Variants in HHAT observed in about 807,000 individuals in gnomAD.
HHAT encodes protein-cysteine N-palmitoyltransferase HHAT.
In HHAT, 47 loss-of-function variants were observed where a neutral mutation model predicts 70.8. That is an observed-to-expected ratio of 0.66 (90% CI 0.53 to 0.85). The LOEUF is 0.85. Among genes scored for constraint, HHAT ranks in the 40% least tolerant of loss-of-function variants. The pLI, the probability that HHAT is intolerant of heterozygous loss-of-function variation, is 0.00. For missense variants in HHAT, 609 were observed against 604.8 expected, an observed-to-expected ratio of 1.01 and a Z score of -0.07; for synonymous variants, 228 against 247.6, an observed-to-expected ratio of 0.92 and a Z score of 0.74.
At chr1:210,495,207 A>G (rs1279992791) in intron 8 of HHAT, among the ~76,000 whole-genome samples, 1 of 151,450 alleles carries the variant, frequency 6.6e-6, no homozygotes, top group Non-Finnish European at 1.5e-5. Context: ...AACTTTATAT[A>G]TAGTATAGAA....
intron 10 of HHAT, among the ~76,000 whole-genome samples, chr1:210,614,820 A>T (rs1173128746): frequency 6.6e-6 from 1 of 152,228 alleles, no homozygotes; most frequent in Admixed American, 6.5e-5. Flanking sequence ...ATTGTTGGAC[A>T]TTTGGGTTGG....
rs910816656 is a variant in HHAT, at chr1:210,414,190, A to G, written c.685-3964A>G. On this transcript the variant is annotated intron_variant, in intron 6 of 11. Transcript: ENST00000261458. ...CACCTTCTCACTGTCTTCACACGGT[A>G]GAAGGAACTAGCTAACTCTCTGAGG... 4.6e-5 allele frequency among the ~76,000 whole-genome samples: 7 copies of G among 152,328 alleles called. No homozygotes were observed. In the East Asian group the frequency reaches 1.4e-3, roughly 29 times the overall value.
chr1:210,447,554 C>T (rs562647361), intron 7 of HHAT, among the ~76,000 whole-genome samples: 1 of 152,324 alleles, frequency 6.6e-6, no homozygotes, highest in African/African-American at 2.4e-5. Context: ...ATCCAAAAGG[C>T]AAATCCTGAC....
At chr1:210,627,840 T>C (rs1670118441) in intron 11 of HHAT, among the ~76,000 whole-genome samples, 1 of 152,192 alleles carries the variant, frequency 6.6e-6, no homozygotes, top group Non-Finnish European at 1.5e-5. Flanking sequence ...ACTTAGCTGG[T>C]CCATGGATCT....
chr1:210,404,436 A>T (rs760367766), intron 5 of HHAT, 28 bp from the exon 6 acceptor site: 1 of 1,564,894 alleles, frequency 6.4e-7, no homozygotes, highest in Non-Finnish European at 8.8e-7. Flanking sequence ...GGCCACTCAA[A>T]GGTTGTTCTC....
intron 9 of HHAT, among the ~76,000 whole-genome samples, chr1:210,560,977 G>A (rs1432822238): frequency 6.6e-6 from 1 of 152,038 alleles, no homozygotes; most frequent in Non-Finnish European, 1.5e-5. Flanking sequence ...AATGATCACT[G>A]AGGCCAGTAT....
intron 9 of HHAT, among the ~76,000 whole-genome samples, chr1:210,529,178 G>A (rs754878264): frequency 4.6e-5 from 7 of 152,038 alleles, no homozygotes; most frequent in Non-Finnish European, 8.8e-5. Flanking sequence ...GGTGGCACAC[G>A]CCTGTAATCC....
intron 4 of HHAT, among the ~76,000 whole-genome samples, chr1:210,396,773 C>T (rs2091812602): frequency 6.6e-6 from 1 of 152,136 alleles, no homozygotes. Context: ...AAGGAGCAAA[C>T]CATTGATACA....
intron 8 of HHAT, among the ~76,000 whole-genome samples, chr1:210,479,722 A>G (rs2094362700): frequency 6.6e-6 from 1 of 152,172 alleles, no homozygotes; most frequent in African/African-American, 2.4e-5. Flanking sequence ...AACTAAATGA[A>G]ATTACACTAA....
At chr1:210,517,373 C>T (rs966123152) in intron 9 of HHAT, among the ~76,000 whole-genome samples, 18 of 152,156 alleles carry the variant, frequency 1.2e-4, no homozygotes, top group African/African-American at 3.9e-4. Flanking sequence ...GCGATCCTCC[C>T]GCAGTGCTGG....
upstream of HHAT, among the ~76,000 whole-genome samples, chr1:210,327,908 A>T (rs1265752455): frequency 1.3e-5 from 2 of 152,218 alleles, no homozygotes; most frequent in Admixed American, 1.3e-4. Context: ...ACCATCCAGT[A>T]CCAGGTTTTG....
chr1:210,579,389 ATTAG>A (rs1003967004), intron 9 of HHAT, among the ~76,000 whole-genome samples: 4 of 152,264 alleles, frequency 2.6e-5, no homozygotes, highest in African/African-American at 9.6e-5. Context: ...GGTATAAAAT[ATTAG>A]TTATGCAAGA....
intron 11 of HHAT, among the ~76,000 whole-genome samples, chr1:210,668,728 T>G (rs749409353): frequency 2.6e-5 from 4 of 152,246 alleles, no homozygotes; most frequent in Non-Finnish European, 4.4e-5. Flanking sequence ...GCCTCCATAC[T>G]GTTTTCCACA....
At chr1:210,572,581 C>T (rs1337223559) in intron 9 of HHAT, among the ~76,000 whole-genome samples, 4 of 152,152 alleles carry the variant, frequency 2.6e-5, no homozygotes, top group Admixed American at 2.0e-4. Context: ...AGTCAAGATT[C>T]ATCTCAGGCT....
intron 9 of HHAT, among the ~76,000 whole-genome samples, chr1:210,559,350 T>C (rs1250600085): frequency 9.2e-5 from 14 of 152,222 alleles, no homozygotes; most frequent in Admixed American, 9.2e-4. Flanking sequence ...TGGCCCACAG[T>C]AGGTACTCAG....
rs1178297710 is a variant in HHAT at position 210,605,321 on chromosome 1, A to G, written c.1245+17222A>G. ...AGGGAGTCAAACCCAGTTATACATG[A>G]TCTAAGCTTCCTGGATTTCAGACTA... On this transcript the variant is annotated intron_variant, in intron 10 of 11. Coordinates refer to ENST00000261458, the MANE Select transcript of HHAT (RefSeq NM_018194.6). 2.0e-5 allele frequency among the ~76,000 whole-genome samples: 3 copies of G among 152,180 alleles called. No individual in the cohort carries two copies. In the East Asian group the frequency reaches 5.8e-4, roughly 29 times the overall value.
chr1:210,560,814 TAAAAAAAAAAAAAAAAAAAAAAA>T (rs60192211), intron 9 of HHAT, among the ~76,000 whole-genome samples: 1 of 28,470 alleles, frequency 3.5e-5, no homozygotes, highest in Non-Finnish European at 9.5e-5. Context: ...CCCTGTGTCT[TAAAAAAAAAAAAAAAAAAAAAAA>T]AAAAAAAAAA....
At chr1:210,481,139 T>A in intron 8 of HHAT, among the ~76,000 whole-genome samples, 1 of 151,304 alleles carries the variant, frequency 6.6e-6, no homozygotes. Context: ...GAGGGGGACT[T>A]GGAGTTCTGG....
chr1:210,590,298 A>G (rs950346236), intron 10 of HHAT: 1 of 152,012 alleles, frequency 6.6e-6, no homozygotes, highest in Non-Finnish European at 1.5e-5. Flanking sequence ...TTCATGAATC[A>G]ATTTCCTGTT....
Sources: gnomAD v4.1 joint callset for allele counts (sites outside exome capture counted in the v4.1 genomes callset) on GRCh38, gnomAD v4.1.1 for gene constraint, MANE v1.5 for transcripts, NCBI Gene and HGNC (gene_info 2026-07-23, HGNC 2026-07-21) for gene names.